Variants in PECAM1 observed in about 807,000 individuals in gnomAD.
The protein encoded by PECAM1 is platelet endothelial cell adhesion molecule.
Under a neutral mutation model 13.8 loss-of-function variants are expected in PECAM1, and 8 were observed. The ratio of observed to expected loss-of-function variants is 0.58; its 90% CI spans 0.34 to 1.05. PECAM1 has a LOEUF of 1.05. Ranked by LOEUF, PECAM1 falls within the 50% of genes least tolerant of loss-of-function variation. PECAM1 has a pLI of 0.03. For synonymous variants in PECAM1, 136 were observed against 52.6 expected (o/e 2.58, Z -6.86); for missense variants, 304 against 141.2 (o/e 2.15, Z -5.84).
chr17:64,375,431 G>A (rs909734698), intron 3 of PECAM1, 75 bp from the exon 4 acceptor site: 1 of 402,190 alleles, frequency 2.5e-6, no homozygotes, highest in Non-Finnish European at 4.4e-6. Flanking sequence ...CTGATTGAGA[G>A]ACACAAGCCT....
At chr17:64,360,669 A>G (rs1181723991) in intron 6 of PECAM1, among the ~76,000 whole-genome samples, 2 of 151,370 alleles carry the variant, frequency 1.3e-5, no homozygotes, top group Non-Finnish European at 2.9e-5. Flanking sequence ...AGAGAATGAC[A>G]GAAATTCAAG....
Position 64,340,191 on chromosome 17 carries a change from A to C in PECAM1, c.2164+1443T>G, listed in dbSNP as rs932212143. Among the ~76,000 whole-genome samples, 397 of 152,234 alleles carry C rather than the reference A, an allele frequency of 2.6e-3. 7 individuals carry two copies. The highest frequency in any genetic ancestry group is 3.4e-3 in the Non-Finnish European group (232 of 68,014). ...AACAAAACACAAACAGTGCTTCTCA[A>C]ATATTGGCAGCATCAGAAACATCTG... On this transcript the variant is annotated intron_variant, in intron 14 of 15. Transcript: ENST00000563924.
chr17:64,351,663 T>G (rs1478853335), intron 11 of PECAM1, among the ~76,000 whole-genome samples: 1 of 151,868 alleles, frequency 6.6e-6, no homozygotes, highest in African/African-American at 2.4e-5. Context: ...TGCAGTGAGC[T>G]GAGATTGCAC....
chr17:64,370,796 C>T (rs1334026602), intron 4 of PECAM1, among the ~76,000 whole-genome samples: 1 of 152,140 alleles, frequency 6.6e-6, no homozygotes, highest in Non-Finnish European at 1.5e-5. Flanking sequence ...AACAAAAAAA[C>T]AAGCCCAGGG....
chr17:64,341,430 G>A (rs1242992271), intron 14 of PECAM1, among the ~76,000 whole-genome samples: 2 of 152,166 alleles, frequency 1.3e-5, no homozygotes, highest in Non-Finnish European at 2.9e-5. Flanking sequence ...TTCAAGAAGC[G>A]CTCGTTGACT....
At chr17:64,349,657 T>G (rs925900495) in intron 12 of PECAM1, among the ~76,000 whole-genome samples, 10 of 134,230 alleles carry the variant, frequency 7.4e-5, no homozygotes, top group South Asian at 4.8e-4. Context: ...GAGGCCAAGG[T>G]GGGCAGATAA....
intron 2 of PECAM1, among the ~76,000 whole-genome samples, chr17:64,386,976 G>A (rs1391811163): frequency 1.3e-5 from 2 of 152,044 alleles, no homozygotes; most frequent in East Asian, 3.8e-4. Flanking sequence ...TGGAGGTGTT[G>A]AGAGGGGAGC....
chr17:64,335,120 G>T (rs2035241168), intron 14 of PECAM1, among the ~76,000 whole-genome samples: 1 of 132,166 alleles, frequency 7.6e-6, no homozygotes, highest in Non-Finnish European at 1.6e-5. Flanking sequence ...CAGGGAGTGG[G>T]GTGCGCCAAA....
chr17:64,380,016 T>C (rs2036446800), intron 2 of PECAM1, among the ~76,000 whole-genome samples: 1 of 136,270 alleles, frequency 7.3e-6, no homozygotes, highest in Non-Finnish European at 1.6e-5. Context: ...CAGAGTGAGA[T>C]CCTGTCTCAA....
rs2034803526 is a variant in PECAM1 at position 64,321,090 on chromosome 17, T to G, written c.*2726A>C. ...TCGGGGAGTGGGTTCAGTTAGCCAA[T>G]CAGAGAACGCTGATGGGGCGACCAG... is the stretch of plus-strand genomic sequence containing the variant. On this transcript the variant is annotated 3_prime_UTR_variant, in exon 16 of 16. Transcript: ENST00000563924. 6.6e-6 allele frequency: 1 copy of G among 152,142 alleles called. No homozygotes were observed. Among genetic ancestry groups the G allele is most frequent in the Non-Finnish European group, 1.5e-5 (1 of 68,028 alleles). 9.4% of individuals were successfully genotyped at this position (152,142 alleles called of 1,614,324 possible).
chr17:64,358,405 C>T (rs925482791), intron 7 of PECAM1, among the ~76,000 whole-genome samples: 2 of 152,152 alleles, frequency 1.3e-5, no homozygotes, highest in African/African-American at 4.8e-5. Context: ...AGGCGTGAGC[C>T]ACCGCACCTG....
rs188835328 is a variant in PECAM1 at position 64,322,656 on chromosome 17, C to T, written c.*1160G>A. 3 of 985,434 alleles carry T rather than the reference C, an allele frequency of 3.0e-6. No individual in the cohort carries two copies. Among genetic ancestry groups the T allele is most frequent in the Non-Finnish European group, 3.6e-6 (3 of 829,918 alleles). 61.0% of individuals were successfully genotyped at this position (985,434 alleles called of 1,614,324 possible). A position where few individuals can be genotyped will look rare whatever the true frequency, so the allele number is the denominator to read the frequency against. ...ATGACAGCAGCCTCTCTCCCACCCACTCAAGACACTGTCAGGAATGTCTTA... is the reference window on the plus strand; with the variant it reads ...ATGACAGCAGCCTCTCTCCCACCCATTCAAGACACTGTCAGGAATGTCTTA... On this transcript the variant is annotated 3_prime_UTR_variant, in exon 16 of 16. Transcript: ENST00000563924.
chr17:64,371,641 C>A (rs895842126), intron 4 of PECAM1, among the ~76,000 whole-genome samples: 22 of 152,214 alleles, frequency 1.4e-4, no homozygotes, highest in African/African-American at 5.3e-4. Flanking sequence ...ACCAGCCTGG[C>A]CAAGATGGTG....
chr17:64,386,690 C>T (rs961779304), intron 2 of PECAM1, among the ~76,000 whole-genome samples: 2 of 151,570 alleles, frequency 1.3e-5, no homozygotes, highest in Non-Finnish European at 2.9e-5. Flanking sequence ...CCAGCACTTT[C>T]GGAGGCCGAG....
intron 13 of PECAM1, among the ~76,000 whole-genome samples, chr17:64,342,287 G>C (rs976026557): frequency 6.6e-6 from 1 of 152,212 alleles, no homozygotes; most frequent in Non-Finnish European, 1.5e-5. Flanking sequence ...GCCACGGATG[G>C]AGAGGCCCCC....
At chr17:64,388,292 A>ATTTG (rs2036642182) in intron 2 of PECAM1, among the ~76,000 whole-genome samples, 1 of 152,072 alleles carries the variant, frequency 6.6e-6, no homozygotes, top group Non-Finnish European at 1.5e-5. Context: ...TCTGGCCCAA[A>ATTTG]GGGTGTGGTC....
chr17:64,389,766 G>A (rs1473836783), intron 2 of PECAM1, among the ~76,000 whole-genome samples: 1 of 152,018 alleles, frequency 6.6e-6, no homozygotes, highest in Admixed American at 6.6e-5. Context: ...GAAAATGTGA[G>A]GCCGGGCGCG....
At chr17:64,372,670 T>G (rs6504225) in intron 4 of PECAM1, among the ~76,000 whole-genome samples, 62,845 of 151,402 alleles carry the variant, frequency 0.42, 14,341 homozygotes, top group South Asian at 0.58. Context: ...GCTTGGCTAA[T>G]TTTTGTATTT....
chr17:64,381,408 T>C (rs1374232835), intron 2 of PECAM1, among the ~76,000 whole-genome samples: 2 of 152,186 alleles, frequency 1.3e-5, no homozygotes, highest in Non-Finnish European at 2.9e-5. Context: ...ATTAATTGTA[T>C]CTCATTGAAC....
Sources: gnomAD v4.1 joint callset for allele counts (sites outside exome capture counted in the v4.1 genomes callset) on GRCh38, gnomAD v4.1.1 for gene constraint, MANE v1.5 for transcripts, NCBI Gene and HGNC (gene_info 2026-07-23, HGNC 2026-07-21) for gene names.